The following CFAP54 variants were observed in gnomAD, a reference collection of about 807,000 sequenced individuals.
CFAP54 encodes the protein cilia and flagella associated protein 54.
In CFAP54, 290 loss-of-function variants were observed where a neutral mutation model predicts 370.4. That is an observed-to-expected ratio of 0.78 (90% CI 0.71 to 0.86). CFAP54 has a LOEUF of 0.86. CFAP54 is among the 40% of genes least tolerant of loss of function. CFAP54 has a pLI of 0.00. For missense variants in CFAP54, 3,399 were observed against 3,528.7 expected (o/e 0.96, Z 0.93); for synonymous variants, 1,206 against 1,236.5 (o/e 0.98, Z 0.52).
chr12:96,694,181 A>AT (rs1957416372), intron 45 of CFAP54, among the ~76,000 whole-genome samples: 1 of 152,188 alleles, frequency 6.6e-6, no homozygotes, highest in African/African-American at 2.4e-5. Context: ...GTACACAAGA[A>AT]TTTTTCAATG....
chr12:96,783,744 G>T (rs544267086), intron 60 of CFAP54, among the ~76,000 whole-genome samples: 42 of 152,244 alleles, frequency 2.8e-4, no homozygotes, highest in African/African-American at 8.4e-4. Flanking sequence ...AAATTAGCCG[G>T]GCATGGTGGC....
chr12:96,601,392 A>T (rs1956240397), intron 26 of CFAP54, among the ~76,000 whole-genome samples: 1 of 152,196 alleles, frequency 6.6e-6, no homozygotes, highest in South Asian at 2.1e-4. Flanking sequence ...ATCGATGTTC[A>T]TCAGGGATAA....
intron 65 of CFAP54, 74 bp downstream of exon 65, chr12:96,817,987 T>C (rs1404705587): frequency 7.3e-6 from 8 of 1,102,558 alleles, no homozygotes; most frequent in African/African-American, 1.6e-5. Context: ...ACTATGTAAC[T>C]GGACTTAAAC....
At chr12:96,503,840 C>G in intron 2 of CFAP54, 46 bp from the exon 3 acceptor site, 1 of 1,388,688 alleles carries the variant, frequency 7.2e-7, no homozygotes, top group Non-Finnish European at 9.5e-7. Context: ...TAATGATAAG[C>G]TAAATGATAT....
intron 58 of CFAP54, among the ~76,000 whole-genome samples, chr12:96,761,933 T>G (rs1958344133): frequency 6.6e-6 from 1 of 152,180 alleles, no homozygotes; most frequent in African/African-American, 2.4e-5. Context: ...TCCAACTATA[T>G]TCTTCCTTTT....
chr12:96,637,686 AT>A lies in CFAP54; in HGVS notation c.4317-6487del, dbSNP rs566600435. Among the ~76,000 whole-genome samples, 110 of 152,338 alleles carry A rather than the reference AT, an allele frequency of 7.2e-4. No homozygotes were observed. In the East Asian group the frequency reaches 8.7e-3, roughly 12 times the overall value. ...TACAATGCAATTAAGGTAGAAACCA[AT>A]TTTTGAAAAGTTAACCAAAAAGATT... On this transcript the variant is annotated intron_variant, in intron 32 of 67. Coordinates refer to ENST00000524981, the MANE Select transcript of CFAP54 (RefSeq NM_001306084.2).
intron 66 of CFAP54, among the ~76,000 whole-genome samples, chr12:96,832,271 T>TA (rs34082481): frequency 0.056 from 6,927 of 122,774 alleles, 244 homozygotes; most frequent in South Asian, 0.19. Flanking sequence ...TTTTCTTTTG[T>TA]AAAAAAAAAA....
chr12:96,695,674 A>G (rs1205236119), intron 45 of CFAP54, among the ~76,000 whole-genome samples: 3 of 152,250 alleles, frequency 2.0e-5, no homozygotes, highest in African/African-American at 7.2e-5. Flanking sequence ...TGAGTAACAC[A>G]TTCACATAGT....
At position 96,716,089 on chromosome 12, in the gene CFAP54, A is replaced by G. The variant is rs539851063; in HGVS notation, c.6725-2354A>G. On this transcript the variant is annotated intron_variant, in intron 48 of 67. Transcript: ENST00000524981. ...TAGTTGATTTTAATTCTAGATTCTT[A>G]TTAGTTTTCCCTTAGCATGTCCATT... is the stretch of plus-strand genomic sequence containing the variant. Among the ~76,000 whole-genome samples the G allele has an allele frequency of 2.0e-5, 3 of 152,246 alleles. No individual in the cohort carries two copies. In the South Asian group the frequency reaches 6.2e-4, roughly 32 times the overall value.
At chr12:96,685,552 G>A (rs917560368) in intron 42 of CFAP54, among the ~76,000 whole-genome samples, 15 of 52,280 alleles carry the variant, frequency 2.9e-4, no homozygotes, top group Non-Finnish European at 4.0e-4. Flanking sequence ...TTTTGTTGTT[G>A]TTTGGGTTTT....
At chr12:96,621,291 T>C (rs1043132716) in intron 26 of CFAP54, among the ~76,000 whole-genome samples, 1 of 152,206 alleles carries the variant, frequency 6.6e-6, no homozygotes, top group African/African-American at 2.4e-5. Flanking sequence ...ATTGTTTTCT[T>C]AATAGTTAAC....
chr12:96,503,531 C>T (rs1008445970), intron 2 of CFAP54, among the ~76,000 whole-genome samples: 2 of 150,758 alleles, frequency 1.3e-5, no homozygotes, highest in Non-Finnish European at 3.0e-5. Flanking sequence ...GACTACTCAT[C>T]CACCTCTCTA....
In CFAP54 at chr12:96,779,729, T is replaced by C. The variant is rs545539594; in HGVS notation, c.8282-4988T>C. On this transcript the variant is annotated intron_variant, in intron 60 of 67. Coordinates refer to ENST00000524981, the MANE Select transcript of CFAP54 (RefSeq NM_001306084.2). ...ATCAAGTACAGGGCCTTATAAAGACTACAGTGGTTTACTTTTGGTGAACTT... is the reference window on the plus strand; with the variant it reads ...ATCAAGTACAGGGCCTTATAAAGACCACAGTGGTTTACTTTTGGTGAACTT... Among the ~76,000 whole-genome samples the C allele has an allele frequency of 2.6e-5, 4 of 151,206 alleles. 1 individual carries two copies. The South Asian group carries it at 8.3e-4, about 31-fold the overall frequency.
intron 45 of CFAP54, 120 bp from the exon 46 acceptor site, chr12:96,699,851 A>G: frequency 1.3e-6 from 1 of 768,410 alleles, no homozygotes; most frequent in Non-Finnish European, 2.1e-6. Flanking sequence ...TTCATAATGC[A>G]TTACCAACAT....
chr12:96,635,479 C>G (rs1457885394), intron 32 of CFAP54, among the ~76,000 whole-genome samples: 1 of 152,224 alleles, frequency 6.6e-6, no homozygotes, highest in African/African-American at 2.4e-5. Context: ...AACCAATTCT[C>G]CAGCACCAGC....
chr12:96,638,051 T>A (rs1370023741), intron 32 of CFAP54, among the ~76,000 whole-genome samples: 1 of 152,070 alleles, frequency 6.6e-6, no homozygotes, highest in African/African-American at 2.4e-5. Context: ...TCAGAATGTA[T>A]CCCTGTCATG....
rs74582089 is a variant in CFAP54 at position 96,720,475 on chromosome 12, C to G, written c.6875C>G (p.Ser2292Cys). ...LLSEVEQKTL[S>C]QCSAGELEIV... ...TCCGAGGTGGAACAGAAGACCCTGTCTCAGTGCTCCGCTGGCGAGCTGGAG... is the reference window on the plus strand; with the variant it reads ...TCCGAGGTGGAACAGAAGACCCTGTGTCAGTGCTCCGCTGGCGAGCTGGAG... The change falls in exon 50 of 68, where the codon TCT becomes TGT. Residue 2292 changes from serine to cysteine, a missense_variant. Coordinates refer to ENST00000524981, the MANE Select transcript of CFAP54 (RefSeq NM_001306084.2). 12,908 of 1,605,608 alleles carry G rather than the reference C, an allele frequency of 8.0e-3. 1,039 individuals are homozygous for G. In the Admixed American group the frequency reaches 0.16, roughly 20 times the overall value.
At chr12:96,713,445 A>G (rs1314809868) in intron 48 of CFAP54, among the ~76,000 whole-genome samples, 1 of 151,980 alleles carries the variant, frequency 6.6e-6, no homozygotes, top group African/African-American at 2.4e-5. Flanking sequence ...TTGATTCTCT[A>G]TTTTGGACTA....
chr12:96,528,064 A>G (rs560535676), intron 9 of CFAP54, among the ~76,000 whole-genome samples: 14 of 152,274 alleles, frequency 9.2e-5, no homozygotes, highest in African/African-American at 3.4e-4. Flanking sequence ...TAGGATCTCC[A>G]ATAACACATG....
Sources: allele counts gnomAD v4.1 joint callset (sites outside exome capture counted in the v4.1 genomes callset), GRCh38; gene constraint gnomAD v4.1.1; transcripts MANE v1.5; gene names NCBI Gene and HGNC (gene_info 2026-07-23, HGNC 2026-07-21).